CPEB3: variants seen among roughly 807,000 people sequenced by gnomAD.
CPEB3 encodes the protein cytoplasmic polyadenylation element-binding protein 3.
In CPEB3, 20 loss-of-function variants were observed where a neutral mutation model predicts 67.2. The observed-to-expected ratio is 0.30, with a 90% CI of 0.21 to 0.43. The LOEUF is 0.43. Ranked by LOEUF, CPEB3 falls within the 20% of genes least tolerant of loss-of-function variation. The pLI is 1.00. For synonymous variants in CPEB3, 376 were observed against 393.1 expected (o/e 0.96, Z 0.51); for missense variants, 746 against 968.6 (o/e 0.77, Z 3.05).
intron 1 of CPEB3, among the ~76,000 whole-genome samples, chr10:92,241,505 T>C (rs760506723): frequency 3.3e-5 from 5 of 152,194 alleles, no homozygotes; most frequent in African/African-American, 9.7e-5. Context: ...AGACCCTGAA[T>C]TACCATATGC....
chr10:92,202,103 C>G (rs1177541928), intron 2 of CPEB3, among the ~76,000 whole-genome samples: 1 of 152,018 alleles, frequency 6.6e-6, no homozygotes, highest in Non-Finnish European at 1.5e-5. Flanking sequence ...AAACACACAC[C>G]CTGACAACTC....
chr10:92,194,989 A>C (rs184804440), intron 2 of CPEB3, among the ~76,000 whole-genome samples: 2,189 of 151,604 alleles, frequency 0.014, 56 homozygotes, highest in African/African-American at 0.05. Context: ...GCTTGCAGTG[A>C]GCCGAGATCG....
intron 2 of CPEB3, among the ~76,000 whole-genome samples, chr10:92,200,951 G>C (rs1027639998): frequency 6.6e-6 from 1 of 152,150 alleles, no homozygotes; most frequent in African/African-American, 2.4e-5. Context: ...GCTGGATTCA[G>C]CAGGGTAAAT....
intron 9 of CPEB3, among the ~76,000 whole-genome samples, chr10:92,069,638 CAA>C (rs1842679171): frequency 6.6e-6 from 1 of 152,218 alleles, no homozygotes; most frequent in Non-Finnish European, 1.5e-5. Context: ...CTCCTGACCT[CAA>C]ATGATCCACC....
chr10:92,134,018 C>G (rs1262011873), intron 6 of CPEB3, among the ~76,000 whole-genome samples: 1 of 152,116 alleles, frequency 6.6e-6, no homozygotes, highest in Non-Finnish European at 1.5e-5. Flanking sequence ...GAACATATCT[C>G]AAAATAATAA....
chr10:92,286,802 AG>A (rs2135122499), intron 1 of CPEB3, among the ~76,000 whole-genome samples: 1 of 152,284 alleles, frequency 6.6e-6, no homozygotes, highest in East Asian at 1.9e-4. Flanking sequence ...CGAATACTCC[AG>A]GCCCCTTTAT....
At chr10:92,144,016 A>G (rs1266084694) in intron 5 of CPEB3, among the ~76,000 whole-genome samples, 7 of 152,234 alleles carry the variant, frequency 4.6e-5, no homozygotes, top group Non-Finnish European at 1.0e-4. Context: ...CAGTATTTTT[A>G]TATCAGACCC....
At chr10:92,109,273 G>A (rs1037427724) in intron 7 of CPEB3, among the ~76,000 whole-genome samples, 5 of 120,852 alleles carry the variant, frequency 4.1e-5, no homozygotes, top group Non-Finnish European at 8.8e-5. Context: ...TTTTTTTTTT[G>A]AGACAGTCTC....
At chr10:92,176,772 A>G (rs1402952197) in intron 4 of CPEB3, among the ~76,000 whole-genome samples, 1 of 152,264 alleles carries the variant, frequency 6.6e-6, no homozygotes, top group East Asian at 1.9e-4. Context: ...AAGGATCAGC[A>G]TAATAGAGGA....
chr10:92,183,783 C>A (rs186881650), intron 3 of CPEB3, among the ~76,000 whole-genome samples: 1 of 152,178 alleles, frequency 6.6e-6, no homozygotes, highest in East Asian at 1.9e-4. Context: ...GCAATATTCC[C>A]TAAATATTTC....
At chr10:92,261,398 T>G (rs1852791671) in intron 1 of CPEB3, among the ~76,000 whole-genome samples, 1 of 152,162 alleles carries the variant, frequency 6.6e-6, no homozygotes, top group South Asian at 2.1e-4. Flanking sequence ...TAAACCTTAC[T>G]GTAAAGCTGC....
At chr10:92,092,219 G>C (rs1034735488) in intron 7 of CPEB3, among the ~76,000 whole-genome samples, 2 of 152,008 alleles carry the variant, frequency 1.3e-5, no homozygotes, top group African/African-American at 2.4e-5. Flanking sequence ...TTATTTTAAG[G>C]CAGGCTTTTA....
chr10:92,198,046 C>T (rs925692427), intron 2 of CPEB3, among the ~76,000 whole-genome samples: 4 of 152,182 alleles, frequency 2.6e-5, no homozygotes, highest in African/African-American at 9.7e-5. Context: ...GCGGAGGCTG[C>T]AGTGAGCCGA....
intron 2 of CPEB3, among the ~76,000 whole-genome samples, chr10:92,201,467 A>G (rs914878413): frequency 1.3e-5 from 2 of 152,184 alleles, no homozygotes; most frequent in African/African-American, 4.8e-5. Context: ...GGCAGACGCT[A>G]CAGTGAGTCA....
intron 2 of CPEB3, among the ~76,000 whole-genome samples, chr10:92,193,628 T>A (rs191175833): frequency 0.014 from 2,125 of 151,036 alleles, 24 homozygotes; most frequent in African/African-American, 0.016. Flanking sequence ...TTAAAAAAAA[T>A]TTTTTTTTAA....
chr10:92,073,038 CTTTTTT>C, intron 9 of CPEB3, among the ~76,000 whole-genome samples: 2 of 61,260 alleles, frequency 3.3e-5, no homozygotes, highest in South Asian at 5.9e-4. Context: ...GAATCTCTGT[CTTTTTT>C]TTTTTTTTTT....
At chr10:92,053,627 C>T (rs1339243861) in intron 9 of CPEB3, among the ~76,000 whole-genome samples, 8 of 150,668 alleles carry the variant, frequency 5.3e-5, no homozygotes, top group Admixed American at 1.3e-4. Context: ...CTGCAAGCTC[C>T]GCCTCCCAGG....
chr10:92,067,255 CTT>C (rs1192659257), intron 9 of CPEB3, among the ~76,000 whole-genome samples: 10 of 152,108 alleles, frequency 6.6e-5, no homozygotes, highest in African/African-American at 1.9e-4. Context: ...AATCACAGCA[CTT>C]TGAGAGGCCG....
intron 9 of CPEB3, among the ~76,000 whole-genome samples, chr10:92,080,064 G>A (rs376359752): frequency 8.6e-5 from 13 of 151,910 alleles, no homozygotes; most frequent in East Asian, 7.7e-4. Context: ...AAAATTAGCC[G>A]GGCATCATGG....
Sources: allele counts gnomAD v4.1 joint callset (sites outside exome capture counted in the v4.1 genomes callset), GRCh38; gene constraint gnomAD v4.1.1; transcripts MANE v1.5; gene names NCBI Gene and HGNC (gene_info 2026-07-23, HGNC 2026-07-21).